The following ZBTB8A variants were observed in gnomAD, a reference collection of about 807,000 sequenced individuals.
ZBTB8A encodes the protein zinc finger and BTB domain containing 8A, also known as zinc finger and BTB domain-containing protein 8A.
ZBTB8A carries 19 observed loss-of-function variants against 37.8 expected under a neutral mutation model. That is an observed-to-expected ratio of 0.50 (90% CI 0.35 to 0.74). ZBTB8A has a LOEUF of 0.74. ZBTB8A is among the 30% of genes least tolerant of loss of function. The pLI is 0.01. For synonymous variants in ZBTB8A, 181 were observed against 185.2 expected, an observed-to-expected ratio of 0.98 and a Z score of 0.19; for missense variants, 394 against 537.8, an observed-to-expected ratio of 0.73 and a Z score of 2.65.
rs181289154 is a variant in ZBTB8A, at chr1:32,558,585, C to T, written c.-2+5045C>T. Among the ~76,000 whole-genome samples, 1,191 of 152,102 alleles carry T rather than the reference C, an allele frequency of 7.8e-3. 10 individuals are homozygous for T. Among genetic ancestry groups the T allele is most frequent in the Admixed American group, 0.013 (202 of 15,248 alleles). ...GCTTTCAACATGTGCCATTCATTTA[C>T]TTATTCGTTTGTTAGTCTCCAAGTC... On this transcript the variant is annotated intron_variant, in intron 2 of 4. Transcript: ENST00000373510.
intron 2 of ZBTB8A, among the ~76,000 whole-genome samples, chr1:32,583,931 ACAG>A (rs764230906): frequency 1.3e-5 from 2 of 152,068 alleles, no homozygotes; most frequent in African/African-American, 2.4e-5. Flanking sequence ...TTTAGTAAAG[ACAG>A]GGTTTTACCA....
intron 1 of ZBTB8A, among the ~76,000 whole-genome samples, chr1:32,542,037 T>C (rs1203424385): frequency 6.6e-6 from 1 of 152,194 alleles, no homozygotes; most frequent in Non-Finnish European, 1.5e-5. Flanking sequence ...TAAAATAGGT[T>C]TATTGGAATG....
intron 1 of ZBTB8A, among the ~76,000 whole-genome samples, chr1:32,544,063 G>C (rs2148210631): frequency 6.6e-6 from 1 of 152,276 alleles, no homozygotes; most frequent in South Asian, 2.1e-4. Flanking sequence ...TTGACCTCCT[G>C]GGCTCAACCA....
At chr1:32,579,902 A>G (rs929513367) in intron 2 of ZBTB8A, among the ~76,000 whole-genome samples, 1 of 152,184 alleles carries the variant, frequency 6.6e-6, no homozygotes, top group Non-Finnish European at 1.5e-5. Context: ...TTTTTACTTT[A>G]TAGATATACA....
At chr1:32,593,852 G>C in intron 3 of ZBTB8A, 98 bp downstream of exon 3, 4 of 898,030 alleles carry the variant, frequency 4.5e-6, no homozygotes, top group Non-Finnish European at 6.7e-6. Context: ...GCTCTAAGCA[G>C]TTGAAGCAAG....
Position 32,600,469 on chromosome 1 carries a change from C to A in ZBTB8A, c.*50C>A, listed in dbSNP as rs1180378211. On this transcript the variant is annotated 3_prime_UTR_variant, in exon 5 of 5. Transcript: ENST00000373510. ...GCATGTCTGCAATTTACATTGACTT[C>A]CTGTATCTCTCTCTTTCTATGGTCG... 5 of 1,337,410 alleles carry A rather than the reference C, an allele frequency of 3.7e-6. No homozygotes were observed. In the Admixed American group the frequency reaches 7.8e-5, roughly 21 times the overall value. The allele number at this position is 1,337,410 out of a possible 1,614,324, so 82.8% of individuals were successfully genotyped here.
At chr1:32,591,649 A>T (rs1570366727) in intron 2 of ZBTB8A, among the ~76,000 whole-genome samples, 1 of 152,144 alleles carries the variant, frequency 6.6e-6, no homozygotes, top group Admixed American at 6.5e-5. Flanking sequence ...GCAGTGGCTC[A>T]TGCCTGTAAT....
intron 2 of ZBTB8A, among the ~76,000 whole-genome samples, chr1:32,557,070 G>A (rs1005114633): frequency 1.3e-5 from 2 of 152,230 alleles, no homozygotes; most frequent in Non-Finnish European, 2.9e-5. Flanking sequence ...GGGAGTCCAA[G>A]GCAGGTGGAT....
intron 1 of ZBTB8A, among the ~76,000 whole-genome samples, chr1:32,552,135 G>T (rs7542646): frequency 5.1e-4 from 77 of 152,104 alleles, no homozygotes; most frequent in African/African-American, 1.8e-3. Flanking sequence ...AGGCCGAAGT[G>T]GGGGGATCGC....
At chr1:32,581,331 T>A (rs981325753) in intron 2 of ZBTB8A, among the ~76,000 whole-genome samples, 13 of 124,046 alleles carry the variant, frequency 1.0e-4, no homozygotes, top group Non-Finnish European at 1.8e-4. Flanking sequence ...TAAGTATATA[T>A]AATATATAAA....
chr1:32,600,480 CTCTT>C lies in ZBTB8A; in HGVS notation c.*65_*68del, dbSNP rs1460253171. On this transcript the variant is annotated 3_prime_UTR_variant, in exon 5 of 5. Coordinates refer to ENST00000373510, the MANE Select transcript of ZBTB8A (RefSeq NM_001040441.3). ...ATTTACATTGACTTCCTGTATCTCT[CTCTT>C]TCTATGGTCGGAGTCTAGTTAACAA... 2.2e-5 allele frequency: 28 copies of C among 1,269,084 alleles called. No homozygotes were observed. The African/African-American group carries it at 3.6e-4, about 16-fold the overall frequency. The allele number at this position is 1,269,084 out of a possible 1,614,324, so 78.6% of individuals were successfully genotyped here. A position where few individuals can be genotyped will look rare whatever the true frequency, so the allele number is the denominator to read the frequency against.
At chr1:32,581,924 G>A (rs1382750931) in intron 2 of ZBTB8A, among the ~76,000 whole-genome samples, 1 of 152,102 alleles carries the variant, frequency 6.6e-6, no homozygotes, top group Non-Finnish European at 1.5e-5. Context: ...AATGAGAATA[G>A]CATGGGCGGA....
chr1:32,580,524 C>T (rs1644395403), intron 2 of ZBTB8A, among the ~76,000 whole-genome samples: 1 of 150,660 alleles, frequency 6.6e-6, no homozygotes, highest in African/African-American at 2.4e-5. Flanking sequence ...GTACTCCAGG[C>T]TGGGCAACAG....
chr1:32,546,075 G>A (rs556765958), intron 1 of ZBTB8A, among the ~76,000 whole-genome samples: 1 of 152,296 alleles, frequency 6.6e-6, no homozygotes, highest in Admixed American at 6.5e-5. Flanking sequence ...CTGGTATAGA[G>A]TAGTTGCTCA....
intron 4 of ZBTB8A, among the ~76,000 whole-genome samples, chr1:32,595,987 A>G (rs1381944615): frequency 6.6e-6 from 1 of 152,040 alleles, no homozygotes; most frequent in Non-Finnish European, 1.5e-5. Flanking sequence ...AAATATGTAC[A>G]GTTGGCCAGG....
At chr1:32,586,664 G>C (rs1644452279) in intron 2 of ZBTB8A, among the ~76,000 whole-genome samples, 1 of 152,006 alleles carries the variant, frequency 6.6e-6, no homozygotes, top group Non-Finnish European at 1.5e-5. Flanking sequence ...AAGTACAAAG[G>C]CTGTGTGGCA....
intron 2 of ZBTB8A, among the ~76,000 whole-genome samples, chr1:32,590,588 T>C (rs556545802): frequency 5.6e-4 from 86 of 152,300 alleles, no homozygotes; most frequent in Non-Finnish European, 7.3e-5. Flanking sequence ...TCTACATCTT[T>C]CTTGCAAGTC....
Position 32,601,366 on chromosome 1 carries a change from C to T in ZBTB8A, c.*947C>T, listed in dbSNP as rs564688670. 30 of 277,208 alleles carry T rather than the reference C, an allele frequency of 1.1e-4. No homozygotes were observed. Among genetic ancestry groups the T allele is most frequent in the Non-Finnish European group, 1.7e-4 (26 of 150,098 alleles). The allele number at this position is 277,208 out of a possible 1,614,324, so 17.2% of individuals were successfully genotyped here. ...GCGGGTGCCTATAATCCCAGCTACT[C>T]GGGAGGCTGAGGCAGGAGAATCGAT... is the stretch of plus-strand genomic sequence containing the variant. On this transcript the variant is annotated 3_prime_UTR_variant, in exon 5 of 5. Transcript: ENST00000373510.
rs12029381 is a variant in ZBTB8A at position 32,572,218 on chromosome 1, C to T, written c.-2+18678C>T. On this transcript the variant is annotated intron_variant, in intron 2 of 4. Coordinates refer to ENST00000373510, the MANE Select transcript of ZBTB8A (RefSeq NM_001040441.3). ...CTTGTCTATTTTATGAAAGTGTTTG[C>T]ATAGATGAGTATTATGTCTTTCTTA... Among the ~76,000 whole-genome samples, 768 of 152,082 alleles carry T rather than the reference C, an allele frequency of 5.0e-3. 10 individuals are homozygous for T. The highest frequency in any genetic ancestry group is 0.043 in the East Asian group (224 of 5,172).
Sources: allele counts gnomAD v4.1 joint callset (sites outside exome capture counted in the v4.1 genomes callset), GRCh38; gene constraint gnomAD v4.1.1; transcripts MANE v1.5; gene names NCBI Gene and HGNC (gene_info 2026-07-23, HGNC 2026-07-21).